Variants in INSC observed in about 807,000 individuals in gnomAD.
The protein encoded by INSC is protein inscuteable homolog.
INSC carries 67 observed loss-of-function variants against 58.6 expected under a neutral mutation model. That is an observed-to-expected ratio of 1.14 (90% CI 0.94 to 1.40). The LOEUF is 1.40. Ranked by LOEUF, INSC falls within the 40% of genes most tolerant of loss-of-function variation. The pLI, the probability that INSC is intolerant of heterozygous loss-of-function variation, is 0.00. For synonymous variants in INSC, 262 were observed against 276.1 expected, an observed-to-expected ratio of 0.95 and a Z score of 0.51; for missense variants, 714 against 692.0, an observed-to-expected ratio of 1.03 and a Z score of -0.36.
At chr11:15,161,554 C>T (rs1290779462) in intron 2 of INSC, among the ~76,000 whole-genome samples, 3 of 152,086 alleles carry the variant, frequency 2.0e-5, no homozygotes, top group Non-Finnish European at 4.4e-5. Flanking sequence ...TTTGTAGAGC[C>T]CACTGAAGGA....
intron 3 of INSC, 125 bp from the exon 4 acceptor site, chr11:15,176,986 A>T: frequency 1.3e-6 from 1 of 789,084 alleles, no homozygotes; most frequent in Admixed American, 1.8e-5. Context: ...GTTATATTTT[A>T]ACTGCCTGTT....
At chr11:15,233,475 A>C (rs1381622290) in intron 9 of INSC, among the ~76,000 whole-genome samples, 2 of 152,216 alleles carry the variant, frequency 1.3e-5, no homozygotes, top group African/African-American at 2.4e-5. Context: ...AAAGCAGGGC[A>C]TAATTGGCAT....
In INSC at chr11:15,210,002, C is replaced by T. The variant is rs564652661; in HGVS notation, c.819+9053C>T. Among the ~76,000 whole-genome samples, 361 of 152,306 alleles carry T rather than the reference C, an allele frequency of 2.4e-3. 2 individuals carry two copies. Among genetic ancestry groups the T allele is most frequent in the Admixed American group, 2.4e-3 (37 of 15,302 alleles). On this transcript the variant is annotated intron_variant, in intron 7 of 12. Coordinates refer to ENST00000379556, the MANE Select transcript of INSC (RefSeq NM_001042536.3). ...CAATTTGCACCGGCTTTGCCCGTCT[C>T]CTAATTCTAATGGCCCTAAGCCCAA...
At position 15,240,524 on chromosome 11, in the gene INSC, G is replaced by A; in HGVS notation, c.1470+1G>A. The A allele has an allele frequency of 1.9e-6, 3 of 1,612,602 alleles. No individual in the cohort carries two copies. Among genetic ancestry groups the A allele is most frequent in the Non-Finnish European group, 2.5e-6 (3 of 1,179,330 alleles). On this transcript the variant is annotated splice_donor_variant, in intron 12 of 12. Transcript: ENST00000379556. LOFTEE classifies it high-confidence loss of function. ...TGACGCCGTGCTTGTGGCCTGCCTG[G>A]TGAGTTCTCAGTCTTCCCCCAGCTT...
chr11:15,268,117 C>T, the INSC span, among the ~76,000 whole-genome samples: 11 of 152,024 alleles, frequency 7.2e-5, no homozygotes, highest in Admixed American at 7.2e-4. Flanking sequence ...TCAGAGGTCT[C>T]ACTTAATTTG....
At chr11:15,204,781 G>T (rs193071476) in intron 7 of INSC, among the ~76,000 whole-genome samples, 128 of 152,322 alleles carry the variant, frequency 8.4e-4, no homozygotes, top group Middle Eastern at 3.4e-3. Context: ...TACTGGCCTG[G>T]CCTTCTCACT....
At chr11:15,193,655 T>C (rs1214470409) in intron 6 of INSC, among the ~76,000 whole-genome samples, 1 of 152,224 alleles carries the variant, frequency 6.6e-6, no homozygotes, top group Non-Finnish European at 1.5e-5. Context: ...TATTCCATGG[T>C]GTATATGTGC....
At chr11:15,244,769 G>A (rs150933689) in intron 12 of INSC, among the ~76,000 whole-genome samples, 1 of 152,242 alleles carries the variant, frequency 6.6e-6, no homozygotes, top group African/African-American at 2.4e-5. Context: ...TGCTTCTTTT[G>A]CCATTCTAGA....
intron 7 of INSC, among the ~76,000 whole-genome samples, chr11:15,211,485 T>C (rs1851022903): frequency 6.6e-6 from 1 of 152,176 alleles, no homozygotes; most frequent in Admixed American, 6.5e-5. Flanking sequence ...CTGTGGTAGG[T>C]TTTTTTATTC....
At chr11:15,114,191 G>A (rs1847637137), upstream of INSC, among the ~76,000 whole-genome samples, 1 of 140,398 alleles carries the variant, frequency 7.1e-6, no homozygotes, top group South Asian at 2.2e-4. Context: ...ACATTCCCGA[G>A]CTTTTGGGTA....
At chr11:15,254,549 C>T in the INSC span, among the ~76,000 whole-genome samples, 1 of 152,156 alleles carries the variant, frequency 6.6e-6, no homozygotes, top group African/African-American at 2.4e-5. Context: ...CACATACCTC[C>T]CTGTGCCTCA....
At chr11:15,183,197 A>G (rs954658424) in intron 5 of INSC, among the ~76,000 whole-genome samples, 5 of 151,974 alleles carry the variant, frequency 3.3e-5, no homozygotes, top group African/African-American at 1.2e-4. Flanking sequence ...AAAATATAAA[A>G]AAAATTAGCC....
chr11:15,238,821 C>G (rs72857781), intron 10 of INSC, 98 bp from the exon 11 acceptor site: 93,334 of 1,275,752 alleles, frequency 0.073, 3,878 homozygotes, highest in African/African-American at 0.1. Context: ...GTCATCCTGA[C>G]AGCCTTTGCT....
the INSC span, among the ~76,000 whole-genome samples, chr11:15,256,657 T>G: frequency 1.3e-5 from 2 of 152,146 alleles, no homozygotes; most frequent in Non-Finnish European, 2.9e-5. Context: ...GCCCAGCTAA[T>G]TTTTGTATTT....
chr11:15,135,465 T>A lies in INSC; in HGVS notation c.-45-13665T>A, dbSNP rs59631911. Among the ~76,000 whole-genome samples the A allele has an allele frequency of 8.2e-3, 1,253 of 152,334 alleles. 21 individuals are homozygous for A. The highest frequency in any genetic ancestry group is 0.029 in the African/African-American group (1,205 of 41,574). On this transcript the variant is annotated intron_variant, in intron 1 of 12. Coordinates refer to ENST00000379556, the MANE Select transcript of INSC (RefSeq NM_001042536.3). ...CATGATTTGCTGAGAATGATTGTGT[T>A]GTGCTCACACTCTGGGATATTCTGT... is the stretch of plus-strand genomic sequence containing the variant.
intron 5 of INSC, among the ~76,000 whole-genome samples, chr11:15,189,003 G>T (rs1850070494): frequency 6.6e-6 from 1 of 152,162 alleles, no homozygotes; most frequent in African/African-American, 2.4e-5. Flanking sequence ...AGAGGCATCT[G>T]TCAAAACTTA....
intron 6 of INSC, among the ~76,000 whole-genome samples, chr11:15,191,636 A>G (rs1016799390): frequency 6.6e-6 from 1 of 152,140 alleles, no homozygotes; most frequent in Non-Finnish European, 1.5e-5. Flanking sequence ...CTTAAGCTCT[A>G]TCCACATCAC....
chr11:15,263,649 T>C, the INSC span, among the ~76,000 whole-genome samples: 2 of 152,158 alleles, frequency 1.3e-5, no homozygotes, highest in African/African-American at 4.8e-5. Context: ...CACACAAATG[T>C]AGTATCTTAC....
chr11:15,148,183 C>T (rs894826290), intron 1 of INSC, among the ~76,000 whole-genome samples: 1 of 152,210 alleles, frequency 6.6e-6, no homozygotes, highest in African/African-American at 2.4e-5. Flanking sequence ...ACCTGGGTTA[C>T]TCTTATTCAT....
Sources: gnomAD v4.1 joint callset for allele counts (sites outside exome capture counted in the v4.1 genomes callset) on GRCh38, gnomAD v4.1.1 for gene constraint, MANE v1.5 for transcripts, NCBI Gene and HGNC (gene_info 2026-07-23, HGNC 2026-07-21) for gene names.